Variants in MED23 observed in about 807,000 individuals in gnomAD.
MED23 encodes the protein mediator complex subunit 23, also known as mediator of RNA polymerase II transcription subunit 23.
A neutral mutation model predicts 163.9 loss-of-function variants in MED23; 105 were observed. The observed-to-expected ratio is 0.64, with a 90% CI of 0.55 to 0.75. The LOEUF is 0.75. MED23 is among the 30% of genes least tolerant of loss of function. The pLI, the probability that MED23 is intolerant of heterozygous loss-of-function variation, is 0.00. For missense variants in MED23, 1,054 were observed against 1,649.0 expected, an observed-to-expected ratio of 0.64 and a Z score of 6.25; for synonymous variants, 561 against 565.6, an observed-to-expected ratio of 0.99 and a Z score of 0.12.
chr6:131,600,361 AAC>A (rs1775374393), intron 17 of MED23, among the ~76,000 whole-genome samples, 199 bp from the exon 18 acceptor site: 1 of 152,188 alleles, frequency 6.6e-6, no homozygotes, highest in Admixed American at 6.5e-5. Context: ...AAAATATGAG[AAC>A]AGTTTATGAA....
intron 3 of MED23, 67 bp downstream of exon 3, chr6:131,627,329 G>GAAAAAAAAAAAAAAAAAAAA (rs60163644): frequency 1.3e-5 from 11 of 875,036 alleles, no homozygotes; most frequent in East Asian, 8.0e-5. Flanking sequence ...AATGTTAAAA[G>GAAAAAAAAAAAAAAAAAAAA]AAAAAAAAAA....
At position 131,627,410 on chromosome 6, in the gene MED23, C is replaced by G. The variant is rs142367193; in HGVS notation, c.145G>C (p.Gly49Arg). The change falls in exon 3 of 29, where the codon GGT (glycine) becomes CGT (arginine). Residue 49 changes from glycine to arginine, a missense_variant. Gly to Arg is a moderately radical substitution (Grantham distance 125). Coordinates refer to ENST00000368068, the MANE Select transcript of MED23 (RefSeq NM_004830.4). ...SCLGAFRQFW[G>R]GLSQESHEQC... is the part of the protein sequence containing the mutation. The stretch of plus-strand genomic sequence containing the variant: ...GAAGCGCTCACCTGAGAAAGACCAC[C>G]CCAAAACTGTCTGAAGGCCCCCAAA... 6.2e-7 allele frequency: 1 copy of G among 1,613,028 alleles called. No homozygotes were observed. Among genetic ancestry groups the G allele is most frequent in the East Asian group, 2.2e-5 (1 of 44,852 alleles).
chr6:131,576,869 C>A, intron 30 of MED23: 1 of 768,040 alleles, frequency 1.3e-6, no homozygotes, highest in Non-Finnish European at 2.3e-6. Context: ...CCGAGAAACA[C>A]ATCCTACAAA....
intron 17 of MED23, among the ~76,000 whole-genome samples, chr6:131,601,103 A>T (rs1177240282): frequency 6.6e-6 from 1 of 152,104 alleles, no homozygotes; most frequent in Non-Finnish European, 1.5e-5. Flanking sequence ...AGCTAGCTAG[A>T]CTTACGTATT....
At chr6:131,613,311 G>A (rs144091017) in intron 10 of MED23, among the ~76,000 whole-genome samples, 5 of 152,214 alleles carry the variant, frequency 3.3e-5, no homozygotes, top group South Asian at 2.1e-4. Flanking sequence ...GAAGTCTAAC[G>A]CTCCACCTTG....
intron 3 of MED23, among the ~76,000 whole-genome samples, chr6:131,625,697 T>G (rs190189574): frequency 1.1e-3 from 173 of 152,336 alleles, no homozygotes; most frequent in Non-Finnish European, 2.0e-3. Flanking sequence ...AATGAATTTT[T>G]TTTTAAATTT....
chr6:131,581,564 A>G (rs1350931592), intron 30 of MED23, among the ~76,000 whole-genome samples: 1 of 152,182 alleles, frequency 6.6e-6, no homozygotes, highest in Non-Finnish European at 1.5e-5. Flanking sequence ...TGCCTTGCAA[A>G]CTGACTTAAT....
rs566353802 is a variant in MED23 at position 131,603,021 on chromosome 6, T to C, written c.1931+9A>G. The stretch of plus-strand genomic sequence containing the variant: ...AATCTTAAGGAAAGATGGTCTTCAA[T>C]GAGCTCACCAAAGATGGAGCTGGTT... On this transcript the variant is annotated intron_variant, in intron 16 of 28. Transcript: ENST00000368068. 14 of 1,613,396 alleles carry C rather than the reference T, an allele frequency of 8.7e-6. No homozygotes were observed. Among genetic ancestry groups the C allele is most frequent in the Admixed American group, 1.7e-5 (1 of 60,012 alleles).
intron 1 of MED23, 128 bp downstream of exon 1, chr6:131,627,882 CG>C: frequency 2.4e-6 from 3 of 1,255,502 alleles, no homozygotes; most frequent in Non-Finnish European, 3.5e-6. Context: ...CATACAACCT[CG>C]GTGTCAAAAC....
At chr6:131,579,342 A>G (rs1270331162) in intron 30 of MED23, 2 of 1,581,274 alleles carry the variant, frequency 1.3e-6, no homozygotes, top group East Asian at 2.2e-5. Context: ...AACCAAGGCC[A>G]TAAGAAGAGA....
At chr6:131,609,581 T>C (rs896933123) in intron 11 of MED23, among the ~76,000 whole-genome samples, 2 of 147,434 alleles carry the variant, frequency 1.4e-5, no homozygotes, top group African/African-American at 5.0e-5. Context: ...CGTGTGATTT[T>C]GGCTCACTGC....
chr6:131,607,468 C>T lies in MED23; in HGVS notation c.1221+460G>A, dbSNP rs547705062. Among the ~76,000 whole-genome samples, 5 of 152,016 alleles carry T rather than the reference C, an allele frequency of 3.3e-5. No homozygotes were observed. The East Asian group carries it at 9.8e-4, about 30-fold the overall frequency. On this transcript the variant is annotated intron_variant, in intron 12 of 28. Coordinates refer to ENST00000368068, the MANE Select transcript of MED23 (RefSeq NM_004830.4). ...GCTGAGGCAGGAGAATTGCTTCAAC[C>T]CAGGAGGTGGAGGTTGCAGTGAGCT...
At chr6:131,576,767 A>T (rs745500077) in intron 30 of MED23, 2 of 1,578,512 alleles carry the variant, frequency 1.3e-6, no homozygotes, top group South Asian at 1.1e-5. Context: ...GATCAGCCTG[A>T]TTTCCTCCCC....
intron 10 of MED23, among the ~76,000 whole-genome samples, chr6:131,611,109 G>C (rs745817808): frequency 2.0e-5 from 3 of 152,064 alleles, no homozygotes; most frequent in Non-Finnish European, 4.4e-5. Flanking sequence ...CTTAGTAGCA[G>C]GCAGTTGGAA....
intron 3 of MED23, among the ~76,000 whole-genome samples, chr6:131,626,466 T>C (rs894100079): frequency 6.6e-6 from 1 of 152,080 alleles, no homozygotes; most frequent in South Asian, 2.1e-4. Context: ...TGATAGGGAA[T>C]TACCTGTAGA....
At chr6:131,578,691 A>AT (rs1321376071) in intron 30 of MED23, among the ~76,000 whole-genome samples, 1 of 152,194 alleles carries the variant, frequency 6.6e-6, no homozygotes, top group African/African-American at 2.4e-5. Flanking sequence ...CTGAGAATAC[A>AT]TATATATACC....
chr6:131,576,582 T>G (rs1773622514), intron 30 of MED23: 1 of 1,334,666 alleles, frequency 7.5e-7, no homozygotes, highest in Non-Finnish European at 1.1e-6. Context: ...GTTCAACTGA[T>G]TAAATAATGA....
At position 131,628,105 on chromosome 6, in the gene MED23, A is replaced by G. The variant is rs1777655126; in HGVS notation, c.-56T>C. 1.2e-6 allele frequency: 2 copies of G among 1,601,732 alleles called. No homozygotes were observed. The highest frequency in any genetic ancestry group is 3.3e-5 in the Admixed American group (2 of 59,974). On this transcript the variant is annotated 5_prime_UTR_variant, in exon 1 of 29. Coordinates refer to ENST00000368068, the MANE Select transcript of MED23 (RefSeq NM_004830.4). ...CCCGGCAAGGCCCGGATCAGACTCG[A>G]GCTCTGGGAATATAGGGGCAGAGGG... is the stretch of plus-strand genomic sequence containing the variant.
chr6:131,583,087 A>G, downstream of MED23: 1 of 1,613,830 alleles, frequency 6.2e-7, no homozygotes, highest in South Asian at 1.1e-5. Flanking sequence ...TAGGCATTAA[A>G]TACTTTTCAA....
Sources: gnomAD v4.1 joint callset for allele counts (sites outside exome capture counted in the v4.1 genomes callset) on GRCh38, gnomAD v4.1.1 for gene constraint, MANE v1.5 for transcripts, NCBI Gene and HGNC (gene_info 2026-07-23, HGNC 2026-07-21) for gene names.